DLG5: variants seen among roughly 807,000 people sequenced by gnomAD.
DLG5 encodes discs large MAGUK scaffold protein 5, also known as disks large homolog 5.
A neutral mutation model predicts 189.8 loss-of-function variants in DLG5; 48 were observed. The ratio of observed to expected loss-of-function variants is 0.25; its 90% CI spans 0.20 to 0.32. DLG5 has a LOEUF of 0.32. Among genes scored for constraint, DLG5 ranks in the 10% least tolerant of loss-of-function variants. The pLI, the probability that DLG5 is intolerant of heterozygous loss-of-function variation, is 1.00. For missense variants in DLG5, 2,160 were observed against 2,544.7 expected (o/e 0.85, Z 3.25); for synonymous variants, 1,016 against 1,054.1 (o/e 0.96, Z 0.70).
chr10:77,826,436 G>A (rs1386890096), intron 13 of DLG5, among the ~76,000 whole-genome samples: 2 of 151,976 alleles, frequency 1.3e-5, no homozygotes, highest in Admixed American at 1.3e-4. Flanking sequence ...GACCAGCCTG[G>A]GCAACATGGT....
At chr10:77,830,078 G>T in intron 11 of DLG5, 139 bp downstream of exon 11, 1 of 1,031,250 alleles carries the variant, frequency 9.7e-7, no homozygotes, top group Non-Finnish European at 1.4e-6. Context: ...TAGCTGCTGA[G>T]ACTGCAGGCC....
At chr10:77,910,416 G>C (rs1846185812) in intron 1 of DLG5, among the ~76,000 whole-genome samples, 1 of 152,126 alleles carries the variant, frequency 6.6e-6, no homozygotes. Context: ...GGAATTAAAG[G>C]CTGTAGCTCA....
intron 24 of DLG5, among the ~76,000 whole-genome samples, chr10:77,808,834 C>T (rs1841606869): frequency 6.6e-6 from 1 of 152,250 alleles, no homozygotes; most frequent in Non-Finnish European, 1.5e-5. Context: ...GTGGCTCACG[C>T]CTGTAATCCC....
At chr10:77,810,675 G>A (rs908229206) in intron 23 of DLG5, among the ~76,000 whole-genome samples, 3 of 152,168 alleles carry the variant, frequency 2.0e-5, no homozygotes, top group South Asian at 2.1e-4. Flanking sequence ...CCTGCTCTGC[G>A]GCGGCCGGCA....
At position 77,816,581 on chromosome 10, in the gene DLG5, G is replaced by C; in HGVS notation, c.3995C>G (p.Pro1332Arg). The change falls in exon 20 of 32, where the codon CCC becomes CGC. Residue 1332 changes from proline (P) to arginine (R), a missense_variant. Physicochemically the swap from Pro to Arg is moderately radical, Grantham distance 103. This residue lies in a region of DLG5 where 754 missense variants were observed against 746.5 expected (regional missense o/e 1.01). Transcript: ENST00000372391. ...CTTTCTCCGCTCCCCGAGGGACGCGGGGTTGACAGCGATTCTGGGCAATGT... is the reference window on the plus strand; with the variant it reads ...CTTTCTCCGCTCCCCGAGGGACGCGCGGTTGACAGCGATTCTGGGCAATGT... ...ASTLPRIAVNPASLGERRKDR... is the reference protein window; with the variant it reads ...ASTLPRIAVNRASLGERRKDR... The C allele has an allele frequency of 3.7e-6, 6 of 1,614,174 alleles. No individual in the cohort carries two copies. The highest frequency in any genetic ancestry group is 5.1e-6 in the Non-Finnish European group (6 of 1,180,020).
At chr10:77,814,347 T>C (rs1271904741) in intron 20 of DLG5, among the ~76,000 whole-genome samples, 1 of 151,698 alleles carries the variant, frequency 6.6e-6, no homozygotes, top group Non-Finnish European at 1.5e-5. Context: ...AAGTTTTCTC[T>C]AAACAACAGC....
Position 77,796,203 on chromosome 10 carries a change from C to T in DLG5, c.5309-15G>A, listed in dbSNP as rs761228748. The T allele has an allele frequency of 1.4e-5, 23 of 1,614,000 alleles. No homozygotes were observed. The South Asian group carries it at 2.5e-4, about 18-fold the overall frequency. Reference sequence around the variant, plus strand: ...CTTCATCACCTCTGCAATGCACAGACACAGGAATCAGGGAGCCCCAGGCCC... The same window carrying T: ...CTTCATCACCTCTGCAATGCACAGATACAGGAATCAGGGAGCCCCAGGCCC... On this transcript the variant is annotated splice_polypyrimidine_tract_variant and intron_variant, in intron 28 of 31. Transcript: ENST00000372391. This position sits in a 1 kb window ranked among gnomAD's most constrained non-coding sequence, Gnocchi z 5.2.
intron 5 of DLG5, among the ~76,000 whole-genome samples, chr10:77,847,735 T>C (rs1173691158): frequency 6.6e-6 from 1 of 152,074 alleles, no homozygotes; most frequent in Non-Finnish European, 1.5e-5. Flanking sequence ...GAAGAGAGAA[T>C]ATTTAAATTT....
chr10:77,821,089 A>G lies in DLG5; in HGVS notation c.3395T>C (p.Phe1132Ser). 6.2e-7 allele frequency: 1 copy of G among 1,610,060 alleles called. No individual in the cohort carries two copies. The highest frequency in any genetic ancestry group is 8.5e-7 in the Non-Finnish European group (1 of 1,177,958). Residue 1132 changes from phenylalanine (F) to serine (S), a missense_variant, in exon 15 of 32, where the codon TTC (phenylalanine) becomes TCC (serine). Physicochemically the swap from Phe to Ser is radical, Grantham distance 155. Around this residue, in one of 5 missense-constraint regions of DLG5, gnomAD observed 754 missense variants for 746.5 expected, o/e 1.01. Coordinates refer to ENST00000372391, the MANE Select transcript of DLG5 (RefSeq NM_004747.4). ...CCTGGGGCTCAGCTATACCTCCAGGAACTGAGCAGGAATCACTACTGGAGC... is the reference window on the plus strand; with the variant it reads ...CCTGGGGCTCAGCTATACCTCCAGGGACTGAGCAGGAATCACTACTGGAGC... ...KLAPVVIPAQ[F>S]LEEQKCVPAS...
intron 5 of DLG5, among the ~76,000 whole-genome samples, chr10:77,846,338 C>G (rs986747594): frequency 6.6e-5 from 10 of 152,244 alleles, no homozygotes; most frequent in Non-Finnish European, 1.5e-4. Flanking sequence ...CTACCCACAT[C>G]TGGAAAGGTC....
In DLG5 at chr10:77,843,523, T is replaced by G; in HGVS notation, c.1048A>C (p.Lys350Gln). 6.2e-7 allele frequency: 1 copy of G among 1,614,156 alleles called. No homozygotes were observed. Among genetic ancestry groups the G allele is most frequent in the Admixed American group, 1.7e-5 (1 of 60,016 alleles). Residue 350 changes from lysine (K) to glutamine (Q), a missense_variant, in exon 6 of 32, where the codon AAG (lysine) becomes CAG (glutamine). This residue lies in a region of DLG5 where 664 missense variants were observed against 838.5 expected (regional missense o/e 0.79). Coordinates refer to ENST00000372391, the MANE Select transcript of DLG5 (RefSeq NM_004747.4). ...TGCTGGGTCAGCATCTCTGTCTGCT[T>G]CAGCAACCGCTGGTTCTCCTCCCCC... ...QLGEENQRLL[K>Q]QTEMLTQQRD...
At chr10:77,900,464 G>C (rs1408486328) in intron 1 of DLG5, among the ~76,000 whole-genome samples, 1 of 152,088 alleles carries the variant, frequency 6.6e-6, no homozygotes, top group Non-Finnish European at 1.5e-5. Context: ...TCTCCTTCAG[G>C]AGACAGACCT....
intron 4 of DLG5, among the ~76,000 whole-genome samples, 158 bp downstream of exon 4, chr10:77,854,069 G>A (rs186522929): frequency 6.6e-6 from 1 of 152,354 alleles, no homozygotes; most frequent in East Asian, 1.9e-4. Flanking sequence ...GAAAACTGAG[G>A]CCCAAAGGCA....
chr10:77,877,101 C>A (rs574626962), intron 1 of DLG5, among the ~76,000 whole-genome samples: 59 of 152,182 alleles, frequency 3.9e-4, no homozygotes, highest in African/African-American at 1.3e-3. Flanking sequence ...AAATAATGAA[C>A]TAAATTGCCT....
intron 1 of DLG5, among the ~76,000 whole-genome samples, chr10:77,897,455 T>C (rs967111056): frequency 1.3e-5 from 2 of 152,202 alleles, no homozygotes; most frequent in Admixed American, 1.3e-4. Flanking sequence ...CCATGTTTCA[T>C]GTACCCCAAA....
At chr10:77,872,901 A>T (rs1328043076) in intron 1 of DLG5, among the ~76,000 whole-genome samples, 5 of 151,936 alleles carry the variant, frequency 3.3e-5, no homozygotes, top group African/African-American at 1.2e-4. Context: ...CCTCCACCCA[A>T]CCTGCCCTGA....
At chr10:77,907,066 G>A (rs1846090021) in intron 1 of DLG5, among the ~76,000 whole-genome samples, 1 of 152,172 alleles carries the variant, frequency 6.6e-6, no homozygotes, top group South Asian at 2.1e-4. Flanking sequence ...GCAAGGTCAA[G>A]TTGCTCTAAA....
intron 1 of DLG5, among the ~76,000 whole-genome samples, chr10:77,920,234 C>G (rs1392426679): frequency 2.0e-5 from 3 of 152,148 alleles, no homozygotes; most frequent in Non-Finnish European, 4.4e-5. Context: ...ATTTTTCCTA[C>G]CATGGATTGT....
chr10:77,803,862 C>T lies in DLG5; in HGVS notation c.5164+1803G>A, dbSNP rs188721905. Among the ~76,000 whole-genome samples the T allele has an allele frequency of 8.0e-4, 120 of 150,014 alleles. 1 individual carries two copies. Among genetic ancestry groups the T allele is most frequent in the African/African-American group, 2.9e-3 (117 of 40,852 alleles). ...AACAAAAAGCAAAATAAGAGAGAAA[C>T]CTTGCCTTGAGTAACAGGTTGGCAT... On this transcript the variant is annotated intron_variant, in intron 27 of 31. Coordinates refer to ENST00000372391, the MANE Select transcript of DLG5 (RefSeq NM_004747.4).
Sources: gnomAD v4.1 joint callset for allele counts (sites outside exome capture counted in the v4.1 genomes callset) on GRCh38, gnomAD v4.1.1 for gene constraint, gnomAD v4.1.1 regional missense constraint, Gnocchi (gnomAD v3.1) non-coding constraint, MANE v1.5 for transcripts, NCBI Gene and HGNC (gene_info 2026-07-23, HGNC 2026-07-21) for gene names.